Variants in PLXNA4 observed in about 807,000 individuals in gnomAD.
The protein encoded by PLXNA4 is plexin-A4.
Under a neutral mutation model 191.8 loss-of-function variants are expected in PLXNA4, and 44 were observed. That is an observed-to-expected ratio of 0.23 (90% CI 0.18 to 0.29). PLXNA4 has a LOEUF of 0.29. Among genes scored for constraint, PLXNA4 ranks in the 10% least tolerant of loss-of-function variants. The pLI, the probability that PLXNA4 is intolerant of heterozygous loss-of-function variation, is 1.00. For missense variants in PLXNA4, 1,800 were observed against 2,488.8 expected (o/e 0.72, Z 5.89); for synonymous variants, 1,082 against 1,009.5 (o/e 1.07, Z -1.36).
In PLXNA4 at chr7:132,145,118, C is replaced by T. The variant is rs1366809793; in HGVS notation, c.5225+1G>A. The T allele has an allele frequency of 6.2e-7, 1 of 1,613,950 alleles. No individual in the cohort carries two copies. Among genetic ancestry groups the T allele is most frequent in the Non-Finnish European group, 8.5e-7 (1 of 1,179,998 alleles). The stretch of plus-strand genomic sequence containing the variant: ...GTGCCCCCTGCCCTCCCTTCACTCA[C>T]CAATTGCTCTTCCAGGTATGGCGGA... On this transcript the variant is annotated splice_donor_variant, in intron 29 of 31. Coordinates refer to ENST00000321063, the MANE Select transcript of PLXNA4 (RefSeq NM_020911.2). LOFTEE classifies it high-confidence loss of function.
chr7:132,292,240 C>A (rs928987081), intron 4 of PLXNA4, among the ~76,000 whole-genome samples: 1 of 152,188 alleles, frequency 6.6e-6, no homozygotes, highest in Non-Finnish European at 1.5e-5. Flanking sequence ...CTCTTTCCTG[C>A]ACTCTGTGTC....
intron 3 of PLXNA4, among the ~76,000 whole-genome samples, chr7:132,396,377 C>T (rs184746446): frequency 6.6e-6 from 1 of 152,176 alleles, no homozygotes; most frequent in Non-Finnish European, 1.5e-5. Context: ...AAGATAAGCA[C>T]TATTTTTATC....
At chr7:132,438,562 A>G (rs1024267903) in intron 3 of PLXNA4, among the ~76,000 whole-genome samples, 3 of 152,240 alleles carry the variant, frequency 2.0e-5, no homozygotes, top group Non-Finnish European at 4.4e-5. Context: ...CTAACTGGAT[A>G]ATCTCAGTAT....
chr7:132,519,759 T>G (rs1350220451), intron 1 of PLXNA4, among the ~76,000 whole-genome samples: 1 of 152,212 alleles, frequency 6.6e-6, no homozygotes, highest in African/African-American at 2.4e-5. Context: ...CATCAGCCAG[T>G]GTCACCCATA....
chr7:132,331,230 A>T (rs909554396), intron 3 of PLXNA4, among the ~76,000 whole-genome samples: 5 of 152,262 alleles, frequency 3.3e-5, no homozygotes, highest in African/African-American at 1.2e-4. Context: ...CTCAGCTGAG[A>T]GCAGGAGGAA....
chr7:132,444,996 A>G (rs752663241), intron 3 of PLXNA4, among the ~76,000 whole-genome samples: 2 of 151,386 alleles, frequency 1.3e-5, no homozygotes, highest in Non-Finnish European at 2.9e-5. Context: ...CTTAAAAAAT[A>G]CAAAAAAATT....
At chr7:132,415,215 G>C (rs905464178) in intron 3 of PLXNA4, among the ~76,000 whole-genome samples, 2 of 152,246 alleles carry the variant, frequency 1.3e-5, no homozygotes, top group Admixed American at 1.3e-4. Context: ...AGAGCAACAA[G>C]GGCCTGCCTG....
intron 3 of PLXNA4, among the ~76,000 whole-genome samples, chr7:132,398,785 C>G (rs1000631900): frequency 6.6e-6 from 1 of 152,202 alleles, no homozygotes; most frequent in Middle Eastern, 3.2e-3. Flanking sequence ...AGTGGCCCAG[C>G]CCTCGCCAGC....
chr7:132,165,916 C>T (rs184377185), intron 22 of PLXNA4, among the ~76,000 whole-genome samples: 110 of 152,212 alleles, frequency 7.2e-4, no homozygotes, highest in African/African-American at 2.3e-3. Flanking sequence ...TGTCCTATTG[C>T]GGCTGGGCAC....
intron 2 of PLXNA4, among the ~76,000 whole-genome samples, chr7:132,610,836 C>T (rs1273938808): frequency 6.6e-6 from 1 of 152,230 alleles, no homozygotes; most frequent in East Asian, 1.9e-4. Flanking sequence ...CGAAGGATTC[C>T]ACCTTGAGTG....
At chr7:132,444,291 G>C (rs1278984246) in intron 3 of PLXNA4, among the ~76,000 whole-genome samples, 1 of 152,246 alleles carries the variant, frequency 6.6e-6, no homozygotes, top group Non-Finnish European at 1.5e-5. Flanking sequence ...TCTCTCTCTT[G>C]TCTCCCAGGC....
At chr7:132,214,776 G>GT (rs1442387194) in intron 9 of PLXNA4, among the ~76,000 whole-genome samples, 4 of 152,104 alleles carry the variant, frequency 2.6e-5, no homozygotes, top group Admixed American at 1.3e-4. Context: ...TGGGAATCCT[G>GT]TAACTGTGAG....
chr7:132,345,091 T>C (rs1479153901), intron 3 of PLXNA4, among the ~76,000 whole-genome samples: 1 of 152,170 alleles, frequency 6.6e-6, no homozygotes, highest in African/African-American at 2.4e-5. Context: ...CTTTAGTTCT[T>C]TGGGGGATGG....
rs1005862098 is a variant in PLXNA4 at position 132,125,623 on chromosome 7, T to G, written c.*4856A>C. On this transcript the variant is annotated 3_prime_UTR_variant, in exon 32 of 32. Coordinates refer to ENST00000321063, the MANE Select transcript of PLXNA4 (RefSeq NM_020911.2). ...CCACAGTTTTGTTTTGTTTTGTTTT[T>G]TTTAAAGGAAGAGGCTGAGGGTTCA... 2.6e-5 allele frequency: 4 copies of G among 152,218 alleles called. No individual in the cohort carries two copies. The highest frequency in any genetic ancestry group is 5.9e-5 in the Non-Finnish European group (4 of 68,038). The allele number at this position is 152,218 out of a possible 1,614,324, so 9.4% of individuals were successfully genotyped here.
chr7:132,402,471 C>CTTTGCCTT (rs952991657), intron 3 of PLXNA4, among the ~76,000 whole-genome samples: 2 of 152,238 alleles, frequency 1.3e-5, no homozygotes, highest in Admixed American at 6.5e-5. Flanking sequence ...GAGAACATCT[C>CTTTGCCTT]TTTGCCTTTT....
At chr7:132,292,937 A>G (rs541797112) in intron 4 of PLXNA4, among the ~76,000 whole-genome samples, 58 of 152,328 alleles carry the variant, frequency 3.8e-4, no homozygotes, top group Admixed American at 1.4e-3. Flanking sequence ...GAGAGTTTTC[A>G]CAGCAGAGGA....
At chr7:132,291,719 A>G (rs1800899531) in intron 4 of PLXNA4, among the ~76,000 whole-genome samples, 1 of 152,192 alleles carries the variant, frequency 6.6e-6, no homozygotes, top group Non-Finnish European at 1.5e-5. Context: ...TCTACCATGC[A>G]TTCATCCTAC....
At chr7:132,227,157 C>T (rs1217056103) in intron 7 of PLXNA4, among the ~76,000 whole-genome samples, 2 of 152,334 alleles carry the variant, frequency 1.3e-5, no homozygotes, top group East Asian at 3.9e-4. Flanking sequence ...ACATGTTCTG[C>T]TGCTGTCCTG....
At chr7:132,402,979 T>C (rs1413102372) in intron 3 of PLXNA4, among the ~76,000 whole-genome samples, 3 of 152,166 alleles carry the variant, frequency 2.0e-5, no homozygotes, top group African/African-American at 7.2e-5. Flanking sequence ...TGCAAATGCG[T>C]AATAACTGGA....
Sources: gnomAD v4.1 joint callset for allele counts (sites outside exome capture counted in the v4.1 genomes callset) on GRCh38, gnomAD v4.1.1 for gene constraint, MANE v1.5 for transcripts, NCBI Gene and HGNC (gene_info 2026-07-23, HGNC 2026-07-21) for gene names.